NPAS2: variants seen among roughly 807,000 people sequenced by gnomAD.
The protein encoded by NPAS2 is neuronal PAS domain protein 2.
In NPAS2, 23 loss-of-function variants were observed where a neutral mutation model predicts 107.5. The ratio of observed to expected loss-of-function variants is 0.21; its 90% CI spans 0.15 to 0.30. NPAS2 has a LOEUF of 0.30. Among genes scored for constraint, NPAS2 ranks in the 10% least tolerant of loss-of-function variants. NPAS2 has a pLI of 1.00. For synonymous variants in NPAS2, 403 were observed against 417.5 expected (o/e 0.97, Z 0.42); for missense variants, 756 against 1,043.3 (o/e 0.72, Z 3.79).
At position 100,822,607 on chromosome 2, in the gene NPAS2, A is replaced by G. The variant is rs188251313; in HGVS notation, c.-23+2193A>G. 2.1e-4 allele frequency: 32 copies of G among 152,324 alleles called. No individual in the cohort carries two copies. The East Asian group carries it at 5.4e-3, about 26-fold the overall frequency. The allele number at this position is 152,324 out of a possible 1,614,324, so 9.4% of individuals were successfully genotyped here. ...TAATAAGGCATGCGTATACTTTTTA[A>G]TTTAACCATCTTTATATGTTCATTT... On this transcript the variant is annotated intron_variant, in intron 1 of 20. Coordinates refer to ENST00000335681, the MANE Select transcript of NPAS2 (RefSeq NM_002518.4).
In NPAS2 at chr2:100,911,078, G is replaced by C. The variant is rs866846229; in HGVS notation, c.32+6292G>C. Reference sequence around the variant, plus strand: ...AGGAAATGCCCCCAAAATAATTGCGGACTGTATGTTTACTGTTTCTCCCTT... The same window carrying C: ...AGGAAATGCCCCCAAAATAATTGCGCACTGTATGTTTACTGTTTCTCCCTT... On this transcript the variant is annotated intron_variant, in intron 2 of 20. Transcript: ENST00000335681. Among the ~76,000 whole-genome samples, 9 of 152,200 alleles carry C rather than the reference G, an allele frequency of 5.9e-5. No individual in the cohort carries two copies. The South Asian group carries it at 1.9e-3, about 31-fold the overall frequency.
chr2:100,996,461 A>C lies in NPAS2; in HGVS notation c.*879A>C, dbSNP rs1678446384. The C allele has an allele frequency of 6.5e-6, 1 of 152,814 alleles. No individual in the cohort carries two copies. The highest frequency in any genetic ancestry group is 6.5e-5 in the Admixed American group (1 of 15,280). The allele number at this position is 152,814 out of a possible 1,614,324, so 9.5% of individuals were successfully genotyped here. ...AAGCCAGACAGGCCTGGGGGACTGC[A>C]GTCCCCAAGGAGACCCTGCCACATG... On this transcript the variant is annotated 3_prime_UTR_variant, in exon 21 of 21. Transcript: ENST00000335681.
At chr2:100,869,900 C>CTTTT (rs34489501) in intron 1 of NPAS2, among the ~76,000 whole-genome samples, 25 of 82,478 alleles carry the variant, frequency 3.0e-4, no homozygotes, top group South Asian at 1.3e-3. Flanking sequence ...CTCCTGACTT[C>CTTTT]TTTTTTTTTT....
chr2:100,995,436 G>A lies in NPAS2; in HGVS notation c.2329G>A (p.Asp777Asn). 1 of 1,613,878 alleles carries A rather than the reference G, an allele frequency of 6.2e-7. No homozygotes were observed. Among genetic ancestry groups the A allele is most frequent in the South Asian group, 1.1e-5 (1 of 91,044 alleles). ...APTSLHSEQQ[D>N]SLLLSTYSQQ... ...AACCTCTTTGCACAGTGAGCAGCAG[G>A]ACTCGCTACTTCTCTCCACCTACTC... Residue 777 changes from aspartate to asparagine, a missense_variant, in exon 21 of 21, where the codon GAC becomes AAC. By Grantham distance (23) the Asp-to-Asn change is conservative. This residue lies in a region of NPAS2 where 496 missense variants were observed against 594.4 expected (regional missense o/e 0.83). Transcript: ENST00000335681.
intron 3 of NPAS2, among the ~76,000 whole-genome samples, chr2:100,927,285 T>C (rs1683640910): frequency 6.6e-6 from 1 of 152,184 alleles, no homozygotes; most frequent in Non-Finnish European, 1.5e-5. Flanking sequence ...TTTGATCCAT[T>C]TTGTGTTCGT....
At chr2:100,862,430 G>A (rs1678999737) in intron 1 of NPAS2, among the ~76,000 whole-genome samples, 1 of 152,140 alleles carries the variant, frequency 6.6e-6, no homozygotes, top group Non-Finnish European at 1.5e-5. Context: ...TGTCTGAAAA[G>A]CAAAGTTGGA....
At chr2:100,826,288 A>G (rs1676375053) in intron 1 of NPAS2, among the ~76,000 whole-genome samples, 1 of 152,120 alleles carries the variant, frequency 6.6e-6, no homozygotes, top group Non-Finnish European at 1.5e-5. Context: ...CTAAAAATAT[A>G]AAAATTAGCT....
chr2:100,832,959 A>G (rs371532525), intron 1 of NPAS2, among the ~76,000 whole-genome samples: 1 of 152,256 alleles, frequency 6.6e-6, no homozygotes, highest in East Asian at 1.9e-4. Context: ...GGGTGGTATC[A>G]TTCGGATGTG....
intron 16 of NPAS2, chr2:100,986,426 T>C (rs923739743): frequency 4.6e-5 from 7 of 152,248 alleles, no homozygotes; most frequent in Non-Finnish European, 1.0e-4. Context: ...CTGTCGGTCC[T>C]GTACTGCATA....
At position 100,888,496 on chromosome 2, in the gene NPAS2, G is replaced by A. The variant is rs552486923; in HGVS notation, c.-22-16237G>A. On this transcript the variant is annotated intron_variant, in intron 1 of 20. Transcript: ENST00000335681. ...TGTCATCTGAGGGTTTGAATGCTAC[G>A]ATATGGAACCATGTGAAGTGCTAGT... Among the ~76,000 whole-genome samples the A allele has an allele frequency of 1.4e-3, 207 of 152,120 alleles. 1 individual carries two copies. The highest frequency in any genetic ancestry group is 2.4e-3 in the Non-Finnish European group (164 of 68,012).
At chr2:100,904,669 A>T in intron 1 of NPAS2, 64 bp from the exon 2 acceptor site, 1 of 1,216,470 alleles carries the variant, frequency 8.2e-7, no homozygotes, top group Non-Finnish European at 1.2e-6. Flanking sequence ...AAAGACTTTT[A>T]AGAAAGATGT....
chr2:100,870,178 C>T (rs149388287), intron 1 of NPAS2, among the ~76,000 whole-genome samples: 118 of 152,224 alleles, frequency 7.8e-4, no homozygotes, highest in African/African-American at 2.6e-3. Context: ...GGATTACAGG[C>T]GTGAGCCACC....
At chr2:100,960,040 C>G (rs79952714) in intron 7 of NPAS2, among the ~76,000 whole-genome samples, 9 of 152,284 alleles carry the variant, frequency 5.9e-5, no homozygotes, top group East Asian at 5.8e-4. Context: ...TTCTCCTCAT[C>G]ATGGCTGATT....
At position 100,949,323 on chromosome 2, in the gene NPAS2, T is replaced by C. The variant is rs187045205; in HGVS notation, c.485-44T>C. The C allele has an allele frequency of 3.6e-6, 4 of 1,124,704 alleles. No individual in the cohort carries two copies. The East Asian group carries it at 7.0e-5, about 20-fold the overall frequency. The allele number at this position is 1,124,704 out of a possible 1,614,324, so 69.7% of individuals were successfully genotyped here. ...CGCTACTTGTTTAGAGTCTGTGCAA[T>C]GCTCACGACCCCTTTCTCTCCTCTT... On this transcript the variant is annotated intron_variant, in intron 6 of 20. Transcript: ENST00000335681.
At chr2:100,888,625 G>T (rs1019667419) in intron 1 of NPAS2, among the ~76,000 whole-genome samples, 2 of 152,150 alleles carry the variant, frequency 1.3e-5, no homozygotes, top group Non-Finnish European at 2.9e-5. Context: ...TGTTAGAGTT[G>T]TTCAGGGGAA....
In NPAS2 at chr2:100,846,457, A is replaced by G. The variant is rs376185426; in HGVS notation, c.-23+26043A>G. The stretch of plus-strand genomic sequence containing the variant: ...TCTTTGTGTGTGTTTGTACGTTTAA[A>G]TTAAATGACATCCACTGTGTGTAGG... On this transcript the variant is annotated intron_variant, in intron 1 of 20. Coordinates refer to ENST00000335681, the MANE Select transcript of NPAS2 (RefSeq NM_002518.4). 5.9e-5 allele frequency among the ~76,000 whole-genome samples: 9 copies of G among 152,346 alleles called. No individual in the cohort carries two copies. The South Asian group carries it at 6.2e-4, about 11-fold the overall frequency.
intron 15 of NPAS2, among the ~76,000 whole-genome samples, chr2:100,981,220 G>A (rs1339807268): frequency 6.6e-6 from 1 of 152,182 alleles, no homozygotes; most frequent in African/African-American, 2.4e-5. Flanking sequence ...AGGCCCTGGG[G>A]GCATTTGCAA....
At position 100,965,608 on chromosome 2, in the gene NPAS2, G is replaced by A; in HGVS notation, c.801-52G>A. 1.7e-6 allele frequency: 2 copies of A among 1,202,278 alleles called. No homozygotes were observed. The highest frequency in any genetic ancestry group is 2.5e-5 in the South Asian group (2 of 79,688). The allele number at this position is 1,202,278 out of a possible 1,614,324, so 74.5% of individuals were successfully genotyped here. A position where few individuals can be genotyped will look rare whatever the true frequency, so the allele number is the denominator to read the frequency against. ...TGGAAAGGCATGGCCACCAGGGTGA[G>A]CCCTGCAGGGTGTCTCCTCCCTGAT... On this transcript the variant is annotated intron_variant, in intron 9 of 20. Transcript: ENST00000335681. The surrounding 1 kb of genome is among the most constrained non-coding windows in gnomAD (Gnocchi z 4.3).
At chr2:100,938,061 G>C (rs1017939546) in intron 5 of NPAS2, among the ~76,000 whole-genome samples, 1 of 152,216 alleles carries the variant, frequency 6.6e-6, no homozygotes, top group East Asian at 1.9e-4. Context: ...TGCCATCCTG[G>C]AACAGGCAAG....
Sources: gnomAD v4.1 joint callset for allele counts (sites outside exome capture counted in the v4.1 genomes callset) on GRCh38, gnomAD v4.1.1 for gene constraint, gnomAD v4.1.1 regional missense constraint, Gnocchi (gnomAD v3.1) non-coding constraint, MANE v1.5 for transcripts, NCBI Gene and HGNC (gene_info 2026-07-23, HGNC 2026-07-21) for gene names.